Variants in PLIN2 observed in about 807,000 individuals in gnomAD.
PLIN2 encodes the protein perilipin 2.
In PLIN2, 33 loss-of-function variants were observed where a neutral mutation model predicts 30.6. The observed-to-expected ratio is 1.08, with a 90% CI of 0.82 to 1.44. The LOEUF is 1.44. Among genes scored for constraint, PLIN2 ranks in the 40% most tolerant of loss-of-function variants. The pLI, the probability that PLIN2 is intolerant of heterozygous loss-of-function variation, is 0.00. For missense variants in PLIN2, 610 were observed against 531.8 expected (o/e 1.15, Z -1.45); for synonymous variants, 205 against 201.1 (o/e 1.02, Z -0.16).
intron 3 of PLIN2, among the ~76,000 whole-genome samples, chr9:19,125,328 G>T (rs970832641): frequency 6.6e-6 from 1 of 152,142 alleles, no homozygotes; most frequent in Non-Finnish European, 1.5e-5. Flanking sequence ...CGAGGCGGGC[G>T]GATCACCTGG....
At chr9:19,124,212 C>T (rs1818363289) in intron 3 of PLIN2, among the ~76,000 whole-genome samples, 1 of 152,078 alleles carries the variant, frequency 6.6e-6, no homozygotes, top group African/African-American at 2.4e-5. Context: ...AAGCTTCTTC[C>T]TTATCAACTG....
intron 5 of PLIN2, 72 bp from the exon 6 acceptor site, chr9:19,119,903 C>G (rs1818287117): frequency 1.0e-6 from 1 of 998,418 alleles, no homozygotes; most frequent in African/African-American, 1.6e-5. Flanking sequence ...GGACTCTAAC[C>G]TGGGTCTTGA....
At chr9:19,115,698 C>T (rs1039352524), downstream of PLIN2, 1 of 152,378 alleles carries the variant, frequency 6.6e-6, no homozygotes, top group Non-Finnish European at 1.5e-5. Context: ...TATAATAACT[C>T]TGTCATGCAG....
downstream of PLIN2, chr9:19,115,696 C>T (rs1440467809): frequency 6.6e-6 from 1 of 152,366 alleles, no homozygotes; most frequent in Non-Finnish European, 1.5e-5. Flanking sequence ...TGTATAATAA[C>T]TCTGTCATGC....
intron 1 of PLIN2, 120 bp from the exon 2 acceptor site, chr9:19,126,568 CT>C (rs1343968155): frequency 3.0e-5 from 20 of 656,158 alleles, no homozygotes; most frequent in African/African-American, 2.2e-4. Flanking sequence ...CTGTAGTCTT[CT>C]GCACTTCTTT....
downstream of PLIN2, among the ~76,000 whole-genome samples, chr9:19,113,068 C>T (rs964805778): frequency 5.9e-5 from 9 of 151,868 alleles, no homozygotes; most frequent in South Asian, 1.5e-3. Context: ...TGTGGCCAGG[C>T]GTGGTGGCTC....
rs1818216858 is a variant in PLIN2 at position 19,116,097 on chromosome 9, A to G, written c.*151T>C. ...ATCATCTGCTAATGCCAGAAACTTT[A>G]AAGCTCTTAATTCAGCTGGAAACAA... On this transcript the variant is annotated 3_prime_UTR_variant, in exon 8 of 8. Coordinates refer to ENST00000276914, the MANE Select transcript of PLIN2 (RefSeq NM_001122.4). 2 of 641,832 alleles carry G rather than the reference A, an allele frequency of 3.1e-6. No homozygotes were observed. The highest frequency in any genetic ancestry group is 5.1e-6 in the Non-Finnish European group (2 of 395,942). 39.8% of individuals were successfully genotyped at this position (641,832 alleles called of 1,614,324 possible).
chr9:19,124,233 T>C (rs1203626768), intron 3 of PLIN2, among the ~76,000 whole-genome samples: 2 of 152,052 alleles, frequency 1.3e-5, no homozygotes, highest in Non-Finnish European at 2.9e-5. Context: ...GCCCCTAATG[T>C]TAATGCCAAG....
intron 3 of PLIN2, among the ~76,000 whole-genome samples, chr9:19,125,051 G>GTAGC (rs1564032116): frequency 6.6e-6 from 1 of 152,208 alleles, no homozygotes; most frequent in Non-Finnish European, 1.5e-5. Context: ...AAGTAGATGA[G>GTAGC]TAGCTGCCTC....
intron 7 of PLIN2, among the ~76,000 whole-genome samples, chr9:19,117,145 T>C (rs561492173): frequency 1.3e-5 from 2 of 152,144 alleles, no homozygotes; most frequent in South Asian, 4.1e-4. Flanking sequence ...TCTTTCTTTC[T>C]TCTTTCTTTC....
At position 19,115,998 on chromosome 9, in the gene PLIN2, C is replaced by T. The variant is rs1394951660; in HGVS notation, c.*250G>A. The T allele has an allele frequency of 2.7e-6, 1 of 371,674 alleles. No homozygotes were observed. The highest frequency in any genetic ancestry group is 4.7e-5 in the East Asian group (1 of 21,444). The allele number at this position is 371,674 out of a possible 1,614,324, so 23.0% of individuals were successfully genotyped here. A position where few individuals can be genotyped will look rare whatever the true frequency, so the allele number is the denominator to read the frequency against. On this transcript the variant is annotated 3_prime_UTR_variant, in exon 8 of 8. Transcript: ENST00000276914. ...TGGCCATAGAATGAGAACATAAGTG[C>T]ATTTGAATTTTTTCTGAGTTCTGGC...
intron 3 of PLIN2, among the ~76,000 whole-genome samples, chr9:19,124,186 C>A (rs1039682428): frequency 6.6e-6 from 1 of 152,086 alleles, no homozygotes; most frequent in Non-Finnish European, 1.5e-5. Flanking sequence ...ACAGGCCAAA[C>A]AGGAAGCTGG....
chr9:19,123,532 T>G (rs1311719839), intron 4 of PLIN2, 33 bp downstream of exon 4: 1 of 1,614,120 alleles, frequency 6.2e-7, no homozygotes, highest in East Asian at 2.2e-5. Context: ...ACATGTGAAG[T>G]GTCAAGTCTC....
In PLIN2 at chr9:19,126,100, A is replaced by G. The variant is rs770415706; in HGVS notation, c.226+14T>C. 2.5e-6 allele frequency: 4 copies of G among 1,610,686 alleles called. No individual in the cohort carries two copies. The highest frequency in any genetic ancestry group is 2.5e-6 in the Non-Finnish European group (3 of 1,177,442). On this transcript the variant is annotated intron_variant, in intron 3 of 7. Coordinates refer to ENST00000276914, the MANE Select transcript of PLIN2 (RefSeq NM_001122.4). ...CCAGTCCCTTGACTTGCATCTTGAAAAATCAGAACTCACTTTGCGGCTCTA... is the reference window on the plus strand; with the variant it reads ...CCAGTCCCTTGACTTGCATCTTGAAGAATCAGAACTCACTTTGCGGCTCTA...
chr9:19,118,229 A>G, intron 7 of PLIN2, 92 bp downstream of exon 7: 1 of 1,224,414 alleles, frequency 8.2e-7, no homozygotes, highest in South Asian at 1.5e-5. Context: ...GATAGAGAAG[A>G]GTATTCTAAG....
At chr9:19,121,189 C>T (rs754264306) in intron 4 of PLIN2, 24 bp from the exon 5 acceptor site, 2 of 1,609,796 alleles carry the variant, frequency 1.2e-6, no homozygotes, top group Non-Finnish European at 1.7e-6. Context: ...AGCAGATCCC[C>T]TGGCTGGTGA....
chr9:19,113,909 G>C (rs1264075189), downstream of PLIN2, among the ~76,000 whole-genome samples: 2 of 151,840 alleles, frequency 1.3e-5, no homozygotes, highest in African/African-American at 4.8e-5. Context: ...CGAGGAGCTG[G>C]GATTACAGGT....
At chr9:19,111,828 G>T (rs185534369), downstream of PLIN2, among the ~76,000 whole-genome samples, 1 of 151,814 alleles carries the variant, frequency 6.6e-6, no homozygotes, top group Non-Finnish European at 1.5e-5. Flanking sequence ...TTGAACTCCT[G>T]GGCTCAAGCA....
At chr9:19,122,491 T>C (rs1818334448) in intron 4 of PLIN2, among the ~76,000 whole-genome samples, 1 of 149,212 alleles carries the variant, frequency 6.7e-6, no homozygotes, top group Non-Finnish European at 1.5e-5. Context: ...CTATATACCA[T>C]ATAGCCTAGG....
Sources: gnomAD v4.1 joint callset for allele counts (sites outside exome capture counted in the v4.1 genomes callset) on GRCh38, gnomAD v4.1.1 for gene constraint, MANE v1.5 for transcripts, NCBI Gene and HGNC (gene_info 2026-07-23, HGNC 2026-07-21) for gene names.